Variants in CNOT2 observed in about 807,000 individuals in gnomAD.
The protein encoded by CNOT2 is CCR4-NOT transcription complex subunit 2.
CNOT2 carries 7 observed loss-of-function variants against 72.1 expected under a neutral mutation model. The observed-to-expected ratio is 0.10, with a 90% CI of 0.06 to 0.18. CNOT2 has a LOEUF of 0.18. CNOT2 is among the 10% of genes least tolerant of loss of function. The pLI is 1.00. For missense variants in CNOT2, 345 were observed against 660.3 expected, an observed-to-expected ratio of 0.52 and a Z score of 5.23; for synonymous variants, 196 against 225.6, an observed-to-expected ratio of 0.87 and a Z score of 1.17.
At chr12:70,290,057 G>T (rs1311858186) in intron 2 of CNOT2, among the ~76,000 whole-genome samples, 1 of 151,392 alleles carries the variant, frequency 6.6e-6, no homozygotes, top group Non-Finnish European at 1.5e-5. Flanking sequence ...TTTAGGTCTT[G>T]TTTAACAGAA....
intron 9 of CNOT2, 53 bp from the exon 10 acceptor site, chr12:70,338,390 G>A: frequency 6.8e-7 from 1 of 1,478,398 alleles, no homozygotes; most frequent in Non-Finnish European, 9.2e-7. Flanking sequence ...ATGTGAACTT[G>A]AATTTGTATA....
At chr12:70,245,266 T>TA (rs1361298171) in intron 1 of CNOT2, among the ~76,000 whole-genome samples, 2 of 152,200 alleles carry the variant, frequency 1.3e-5, no homozygotes, top group African/African-American at 4.8e-5. Flanking sequence ...AAAATACACT[T>TA]AAAGACAAAA....
chr12:70,317,611 ATTTT>A lies in CNOT2; in HGVS notation c.172-1665_172-1662del, dbSNP rs529433652. Among the ~76,000 whole-genome samples the A allele has an allele frequency of 6.2e-3, 655 of 105,436 alleles. 3 individuals are homozygous for A. The highest frequency in any genetic ancestry group is 0.013 in the Middle Eastern group (2 of 150). 69.2% of individuals were successfully genotyped at this position (105,436 alleles called of 152,430 possible). ...TGGGAGGGAATATTTATAAGGTTTG[ATTTT>A]TTTTTTTTTTTTTTTTTTTTTAGAA... On this transcript the variant is annotated intron_variant, in intron 3 of 15. Transcript: ENST00000229195.
At chr12:70,293,458 C>G (rs987728994) in intron 2 of CNOT2, among the ~76,000 whole-genome samples, 1 of 152,170 alleles carries the variant, frequency 6.6e-6, no homozygotes, top group African/African-American at 2.4e-5. Flanking sequence ...TGTGTCTGGC[C>G]TGGATTTCAT....
At chr12:70,338,949 T>G in intron 11 of CNOT2, 127 bp downstream of exon 11, 1 of 785,608 alleles carries the variant, frequency 1.3e-6, no homozygotes, top group Non-Finnish European at 2.0e-6. Context: ...TCTGGGTCAT[T>G]CCCATTCATG....
chr12:70,352,477 T>C (rs983588921), intron 15 of CNOT2, among the ~76,000 whole-genome samples: 1 of 152,210 alleles, frequency 6.6e-6, no homozygotes, highest in Non-Finnish European at 1.5e-5. Flanking sequence ...GTGTTCCATC[T>C]TAAAATTTGG....
At chr12:70,269,561 C>T (rs1236179472) in intron 1 of CNOT2, among the ~76,000 whole-genome samples, 1 of 152,044 alleles carries the variant, frequency 6.6e-6, no homozygotes, top group Non-Finnish European at 1.5e-5. Flanking sequence ...ACGAAGTCTA[C>T]TGGTATATAG....
At chr12:70,281,109 T>C (rs955277676) in intron 2 of CNOT2, among the ~76,000 whole-genome samples, 6 of 151,712 alleles carry the variant, frequency 4.0e-5, no homozygotes, top group African/African-American at 1.5e-4. Context: ...TCTTTTTTTT[T>C]GAGACGGACT....
At chr12:70,264,336 G>C (rs920602259) in intron 1 of CNOT2, among the ~76,000 whole-genome samples, 22 of 152,042 alleles carry the variant, frequency 1.4e-4, no homozygotes, top group Non-Finnish European at 2.6e-4. Flanking sequence ...ATTTTTGAGG[G>C]TACCCTTAGG....
intron 2 of CNOT2, among the ~76,000 whole-genome samples, chr12:70,299,084 ATGGC>A (rs1428628464): frequency 6.6e-6 from 1 of 152,116 alleles, no homozygotes; most frequent in Non-Finnish European, 1.5e-5. Flanking sequence ...ATTGACTCAC[ATGGC>A]TGGGGAGGTC....
chr12:70,278,431 A>G, intron 2 of CNOT2, 157 bp downstream of exon 2: 1 of 510,890 alleles, frequency 2.0e-6, no homozygotes, highest in South Asian at 3.3e-5. Flanking sequence ...TTGATAGTTG[A>G]AATAGTTGGG....
Position 70,338,476 on chromosome 12 carries a change from A to G in CNOT2, c.934A>G (p.Thr312Ala). The G allele has an allele frequency of 6.2e-7, 1 of 1,612,412 alleles. No individual in the cohort carries two copies. The highest frequency in any genetic ancestry group is 8.5e-7 in the Non-Finnish European group (1 of 1,179,286). Residue 312 changes from threonine (T) to alanine (A), a missense_variant, in exon 10 of 16, where the codon ACA (threonine) becomes GCA (alanine). This residue lies in a region of CNOT2 where 128 missense variants were observed against 233.0 expected (regional missense o/e 0.55). Transcript: ENST00000229195. ...TACATCTGGCAAGACAACTTCAAGT[A>G]CAGATGGACCCAAATTCCCTGGAGA... ...LNTSGKTTSS[T>A]DGPKFPGDKS...
intron 11 of CNOT2, among the ~76,000 whole-genome samples, chr12:70,340,763 G>T (rs9652030): frequency 0.013 from 2,034 of 151,894 alleles, 46 homozygotes; most frequent in African/African-American, 0.046. Context: ...GTCCCTGATT[G>T]TCCTTATACC....
intron 1 of CNOT2, among the ~76,000 whole-genome samples, chr12:70,258,124 T>G (rs1256238830): frequency 6.6e-6 from 1 of 152,220 alleles, no homozygotes; most frequent in Non-Finnish European, 1.5e-5. Flanking sequence ...TCATTCTTAC[T>G]AATAAGAATA....
At chr12:70,339,052 ATGTG>A (rs1881112596) in intron 11 of CNOT2, among the ~76,000 whole-genome samples, 1 of 112,176 alleles carries the variant, frequency 8.9e-6, no homozygotes, top group African/African-American at 3.9e-5. Context: ...GTGTGTGTGC[ATGTG>A]CATGTATATA....
intron 2 of CNOT2, among the ~76,000 whole-genome samples, chr12:70,310,095 A>C (rs1876196645): frequency 6.6e-6 from 1 of 152,096 alleles, no homozygotes; most frequent in African/African-American, 2.4e-5. Flanking sequence ...GATGATTTAA[A>C]GTATATGAAA....
intron 4 of CNOT2, chr12:70,321,515 T>G (rs1878292052): frequency 6.6e-6 from 1 of 151,890 alleles, no homozygotes; most frequent in Non-Finnish European, 1.5e-5. Flanking sequence ...GATGGAGAGA[T>G]AAGGAATTAG....
chr12:70,261,204 T>G (rs1336771871), intron 1 of CNOT2, among the ~76,000 whole-genome samples: 1 of 151,968 alleles, frequency 6.6e-6, no homozygotes, highest in African/African-American at 2.4e-5. Context: ...AGTTCTTGAA[T>G]TTTTGGGATA....
intron 11 of CNOT2, among the ~76,000 whole-genome samples, chr12:70,341,768 T>A (rs756407731): frequency 1.4e-4 from 22 of 152,204 alleles, no homozygotes; most frequent in Non-Finnish European, 2.5e-4. Flanking sequence ...TATTTAAAAT[T>A]TAATTTATAT....
Sources: gnomAD v4.1 joint callset for allele counts (sites outside exome capture counted in the v4.1 genomes callset) on GRCh38, gnomAD v4.1.1 for gene constraint, gnomAD v4.1.1 regional missense constraint, MANE v1.5 for transcripts, NCBI Gene and HGNC (gene_info 2026-07-23, HGNC 2026-07-21) for gene names.